Variants in TENM3 observed in about 807,000 individuals in gnomAD.
The protein encoded by TENM3 is teneurin transmembrane protein 3, also known as teneurin-3.
In TENM3, 63 loss-of-function variants were observed where a neutral mutation model predicts 255.1. The ratio of observed to expected loss-of-function variants is 0.25; its 90% CI spans 0.20 to 0.30. The LOEUF is 0.30. TENM3 is among the 10% of genes least tolerant of loss of function. The pLI is 1.00. For missense variants in TENM3, 2,929 were observed against 3,461.1 expected (o/e 0.85, Z 3.86); for synonymous variants, 1,306 against 1,322.3 (o/e 0.99, Z 0.27).
intron 24 of TENM3, among the ~76,000 whole-genome samples, chr4:182,786,295 G>A (rs951983759): frequency 1.3e-5 from 2 of 152,090 alleles, no homozygotes; most frequent in African/African-American, 2.4e-5. Flanking sequence ...GGTGGCTCAC[G>A]CCTGCAATCC....
chr4:182,591,454 C>T (rs1246161640), intron 3 of TENM3, among the ~76,000 whole-genome samples: 1 of 152,166 alleles, frequency 6.6e-6, no homozygotes, highest in Non-Finnish European at 1.5e-5. Context: ...CAGGGCATTT[C>T]ATACTCAGTG....
chr4:182,515,551 A>T (rs62337229), intron 3 of TENM3, among the ~76,000 whole-genome samples: 11,538 of 152,228 alleles, frequency 0.076, 496 homozygotes, highest in East Asian at 0.11. Context: ...TGAATACATA[A>T]ATGTATGTAC....
chr4:182,234,906 G>A (rs1756803291), intron 1 of TENM3, among the ~76,000 whole-genome samples: 1 of 152,164 alleles, frequency 6.6e-6, no homozygotes, highest in South Asian at 2.1e-4. Context: ...TGGGATAGGG[G>A]AGACTCCCTG....
At chr4:181,888,512 ATATGTATATATATACATATATGTG>A in the TENM3 span, among the ~76,000 whole-genome samples, 1 of 58,788 alleles carries the variant, frequency 1.7e-5, no homozygotes, top group Admixed American at 1.9e-4. Flanking sequence ...ATATATATAT[ATATGTATATATATACATATATGTG>A]TATATATATA....
At chr4:181,950,812 A>AG in the TENM3 span, among the ~76,000 whole-genome samples, 1 of 152,182 alleles carries the variant, frequency 6.6e-6, no homozygotes, top group Non-Finnish European at 1.5e-5. Flanking sequence ...AGTCTGAGGC[A>AG]GGAGGATCAC....
chr4:182,065,401 A>G, the TENM3 span, among the ~76,000 whole-genome samples: 1 of 152,222 alleles, frequency 6.6e-6, no homozygotes, highest in Non-Finnish European at 1.5e-5. Context: ...TGCAGGAAGC[A>G]TGGCTGGGGA....
At chr4:181,897,623 TATC>T in the TENM3 span, among the ~76,000 whole-genome samples, 4 of 152,202 alleles carry the variant, frequency 2.6e-5, no homozygotes, top group African/African-American at 9.6e-5. Context: ...ACAAAAAGCT[TATC>T]ATCTACATCT....
At chr4:181,605,184 G>T in the TENM3 span, among the ~76,000 whole-genome samples, 1 of 151,836 alleles carries the variant, frequency 6.6e-6, no homozygotes, top group South Asian at 2.1e-4. Context: ...GGTGGCTCAC[G>T]CCTCTAACTC....
the TENM3 span, among the ~76,000 whole-genome samples, chr4:182,061,436 C>A: frequency 6.6e-6 from 1 of 152,064 alleles, no homozygotes; most frequent in African/African-American, 2.4e-5. Flanking sequence ...TGGCCTGTCA[C>A]TTTAGACCGT....
At chr4:182,763,549 C>T (rs999425188) in intron 22 of TENM3, among the ~76,000 whole-genome samples, 1 of 128,178 alleles carries the variant, frequency 7.8e-6, no homozygotes, top group Non-Finnish European at 1.7e-5. Context: ...AGTGAGACTC[C>T]GTCTCAAAAA....
chr4:181,514,847 G>A, the TENM3 span, among the ~76,000 whole-genome samples: 2 of 152,174 alleles, frequency 1.3e-5, no homozygotes, highest in Non-Finnish European at 2.9e-5. Context: ...AATGGATATC[G>A]AATGGAAATT....
the TENM3 span, among the ~76,000 whole-genome samples, chr4:181,690,888 G>A: frequency 6.6e-6 from 1 of 152,058 alleles, no homozygotes; most frequent in Non-Finnish European, 1.5e-5. Context: ...AATTAAAGGG[G>A]TAACAGAACC....
chr4:182,248,685 G>A (rs763075441), intron 1 of TENM3, among the ~76,000 whole-genome samples: 4 of 152,284 alleles, frequency 2.6e-5, no homozygotes, highest in South Asian at 2.1e-4. Flanking sequence ...AGGAGACCAC[G>A]ATTTTCCTTC....
At chr4:181,613,040 T>A in the TENM3 span, among the ~76,000 whole-genome samples, 2 of 152,202 alleles carry the variant, frequency 1.3e-5, no homozygotes, top group Non-Finnish European at 2.9e-5. Flanking sequence ...TTGTTCTAAA[T>A]GTATAGTTAC....
At chr4:182,157,102 G>A (rs1480211981) in intron 1 of TENM3, among the ~76,000 whole-genome samples, 1 of 152,202 alleles carries the variant, frequency 6.6e-6, no homozygotes, top group African/African-American at 2.4e-5. Flanking sequence ...CCTTCCTGCA[G>A]CATGCAGACG....
At chr4:181,934,794 G>A in the TENM3 span, among the ~76,000 whole-genome samples, 3 of 152,006 alleles carry the variant, frequency 2.0e-5, no homozygotes, top group African/African-American at 4.8e-5. Context: ...CCTAGTGTTC[G>A]AGTACTAGAA....
At chr4:182,623,011 C>CTT (rs562578993) in intron 4 of TENM3, among the ~76,000 whole-genome samples, 18 of 143,088 alleles carry the variant, frequency 1.3e-4, no homozygotes, top group South Asian at 2.2e-4. Context: ...GACAGAGTCT[C>CTT]TTTTTTTTTT....
the TENM3 span, among the ~76,000 whole-genome samples, chr4:182,034,306 T>G: frequency 6.6e-6 from 1 of 152,220 alleles, no homozygotes; most frequent in East Asian, 1.9e-4. Flanking sequence ...GTCTCTTGAC[T>G]ACAGCACACT....
At chr4:182,239,709 T>C (rs1273075785), upstream of TENM3, among the ~76,000 whole-genome samples, 1 of 152,150 alleles carries the variant, frequency 6.6e-6, no homozygotes, top group Non-Finnish European at 1.5e-5. Flanking sequence ...AATACCACTA[T>C]GGATACTTCA....
Sources: gnomAD v4.1 joint callset for allele counts (sites outside exome capture counted in the v4.1 genomes callset) on GRCh38, gnomAD v4.1.1 for gene constraint, MANE v1.5 for transcripts, NCBI Gene and HGNC (gene_info 2026-07-23, HGNC 2026-07-21) for gene names.